MLLT10: variants seen among roughly 807,000 people sequenced by gnomAD.
MLLT10 encodes the protein protein AF-10.
Under a neutral mutation model 129.1 loss-of-function variants are expected in MLLT10, and 30 were observed. The ratio of observed to expected loss-of-function variants is 0.23; its 90% confidence interval spans 0.17 to 0.32. The LOEUF (loss-of-function observed/expected upper bound fraction) is 0.32, where lower values mean the gene tolerates loss of function less well. Ranked by LOEUF, MLLT10 falls within the 10% of genes least tolerant of loss-of-function variation. MLLT10 has a pLI of 1.00. For missense variants in MLLT10, 1,119 were observed against 1,268.3 expected (o/e 0.88, Z 1.79); for synonymous variants, 490 against 446.4 (o/e 1.10, Z -1.23).
intron 3 of MLLT10, among the ~76,000 whole-genome samples, chr10:21,546,893 G>T (rs559316029): frequency 5.7e-4 from 86 of 152,126 alleles, no homozygotes; most frequent in Non-Finnish European, 9.7e-4. Context: ...ACACCTGGCT[G>T]ATTTTGTATA....
At chr10:21,597,609 T>C (rs574119608) in intron 5 of MLLT10, among the ~76,000 whole-genome samples, 1 of 152,310 alleles carries the variant, frequency 6.6e-6, no homozygotes, top group South Asian at 2.1e-4. Flanking sequence ...TGGCCTCAAG[T>C]GATCTGCCTC....
intron 8 of MLLT10, chr10:21,626,297 A>C (rs2046429501): frequency 7.8e-7 from 1 of 1,290,030 alleles, no homozygotes; most frequent in Admixed American, 1.7e-5. Context: ...AGGGCAGAGC[A>C]GGGGCTGGTG....
intron 3 of MLLT10, among the ~76,000 whole-genome samples, chr10:21,584,031 G>A (rs1343299997): frequency 6.8e-6 from 1 of 147,588 alleles, no homozygotes; most frequent in Non-Finnish European, 1.5e-5. Flanking sequence ...CACCACGCCC[G>A]GCTAATTTTT....
chr10:21,586,488 T>C (rs2041998538), intron 4 of MLLT10, 140 bp downstream of exon 4: 1 of 753,464 alleles, frequency 1.3e-6, no homozygotes, highest in Non-Finnish European at 2.2e-6. Flanking sequence ...CTATAATTTA[T>C]AAATCCTTAT....
chr10:21,609,945 A>G (rs2044435107), intron 5 of MLLT10, among the ~76,000 whole-genome samples: 1 of 152,160 alleles, frequency 6.6e-6, no homozygotes, highest in African/African-American at 2.4e-5. Context: ...AAAAACCTTA[A>G]GCATGAACTC....
chr10:21,584,921 T>A (rs1489660875), intron 3 of MLLT10, among the ~76,000 whole-genome samples: 5 of 151,624 alleles, frequency 3.3e-5, no homozygotes, highest in African/African-American at 7.3e-5. Context: ...CATTTTTTTT[T>A]ATTTTTGTTT....
chr10:21,612,537 CATTA>C, intron 6 of MLLT10, 86 bp downstream of exon 6: 1 of 697,374 alleles, frequency 1.4e-6, no homozygotes, highest in East Asian at 2.8e-5. Flanking sequence ...GATACTCAAA[CATTA>C]ATTATGGTAA....
chr10:21,605,201 C>G (rs1488303150), intron 5 of MLLT10, among the ~76,000 whole-genome samples: 3 of 152,076 alleles, frequency 2.0e-5, no homozygotes, highest in African/African-American at 7.2e-5. Context: ...GAAAAATCAT[C>G]TGTCTACACA....
chr10:21,679,928 A>G lies in MLLT10; in HGVS notation c.1622-1404A>G, dbSNP rs1177352099. 2.0e-5 allele frequency among the ~76,000 whole-genome samples: 3 copies of G among 152,098 alleles called. No individual in the cohort carries two copies. The South Asian group carries it at 6.2e-4, about 32-fold the overall frequency. On this transcript the variant is annotated intron_variant, in intron 11 of 22. Coordinates refer to ENST00000307729, the MANE Select transcript of MLLT10 (RefSeq NM_001195626.3). ...AGGAATTCCCAGTTATCCCTCCTTT[A>G]AAAAAATTTTTGCCAACAGTGTTAG...
intron 15 of MLLT10, 91 bp from the exon 16 acceptor site, chr10:21,727,765 A>AATGT (rs1231711823): frequency 2.3e-5 from 21 of 912,128 alleles, no homozygotes; most frequent in Non-Finnish European, 3.5e-5. Context: ...GTAAAGGTTT[A>AATGT]ATGTATGTTT....
chr10:21,675,150 G>A (rs1287139034), intron 11 of MLLT10, among the ~76,000 whole-genome samples: 1 of 152,178 alleles, frequency 6.6e-6, no homozygotes, highest in Non-Finnish European at 1.5e-5. Flanking sequence ...GTAACACTGA[G>A]GCTTTGAAAG....
At chr10:21,536,201 A>G (rs1341782861) in intron 2 of MLLT10, among the ~76,000 whole-genome samples, 2 of 152,192 alleles carry the variant, frequency 1.3e-5, no homozygotes, top group Admixed American at 6.5e-5. Flanking sequence ...TCGGCCTCCC[A>G]AAGTGCTGGG....
At chr10:21,643,231 C>T (rs1257961775) in intron 8 of MLLT10, among the ~76,000 whole-genome samples, 1 of 152,098 alleles carries the variant, frequency 6.6e-6, no homozygotes, top group African/African-American at 2.4e-5. Flanking sequence ...TGGGATTTTA[C>T]CATGTTGGCC....
chr10:21,621,125 A>G (rs1200937420), intron 8 of MLLT10, among the ~76,000 whole-genome samples: 1 of 147,452 alleles, frequency 6.8e-6, no homozygotes, highest in Non-Finnish European at 1.5e-5. Flanking sequence ...TTGGGACTGC[A>G]GGCGCCCGCC....
intron 8 of MLLT10, among the ~76,000 whole-genome samples, chr10:21,619,029 TACACACACAC>T (rs66469025): frequency 0.013 from 1,804 of 143,872 alleles, 29 homozygotes; most frequent in African/African-American, 0.04. Flanking sequence ...CCTGGTGACA[TACACACACAC>T]ACACACACAC....
intron 3 of MLLT10, among the ~76,000 whole-genome samples, chr10:21,577,844 A>G (rs1315222782): frequency 4.6e-5 from 7 of 152,024 alleles, no homozygotes; most frequent in Non-Finnish European, 8.8e-5. Flanking sequence ...TAGCTATCCT[A>G]CAGGGCATGA....
intron 8 of MLLT10, among the ~76,000 whole-genome samples, chr10:21,641,792 A>G (rs1358232250): frequency 6.6e-6 from 1 of 152,220 alleles, no homozygotes; most frequent in African/African-American, 2.4e-5. Context: ...GCTCTAAGTG[A>G]TGGAATACTC....
At chr10:21,689,663 T>A (rs186182695) in intron 13 of MLLT10, among the ~76,000 whole-genome samples, 3,912 of 139,530 alleles carry the variant, frequency 0.028, 73 homozygotes, top group African/African-American at 0.041. Flanking sequence ...ATATATATAT[T>A]TTTTTTTTCT....
chr10:21,655,212 G>T (rs1048710005), intron 9 of MLLT10, among the ~76,000 whole-genome samples: 7 of 152,134 alleles, frequency 4.6e-5, no homozygotes, highest in African/African-American at 1.7e-4. Flanking sequence ...GGTTATAAAA[G>T]ATTGTCTAGA....
Sources: allele counts gnomAD v4.1 joint callset (sites outside exome capture counted in the v4.1 genomes callset), GRCh38; gene constraint gnomAD v4.1.1; transcripts MANE v1.5; gene names NCBI Gene and HGNC (gene_info 2026-07-23, HGNC 2026-07-21).